UTRN: variants seen among roughly 807,000 people sequenced by gnomAD.
UTRN encodes utrophin.
UTRN carries 283 observed loss-of-function variants against 463.9 expected under a neutral mutation model. The ratio of observed to expected loss-of-function variants is 0.61; its 90% CI spans 0.55 to 0.67. The LOEUF is 0.67. Among genes scored for constraint, UTRN ranks in the 30% least tolerant of loss-of-function variants. The probability of loss-of-function intolerance (pLI) is 0.00; values close to 1 mark genes in which losing one functional copy is unlikely to be tolerated. For synonymous variants in UTRN, 1,442 were observed against 1,431.5 expected (o/e 1.01, Z -0.17); for missense variants, 3,922 against 4,084.3 (o/e 0.96, Z 1.08).
intron 57 of UTRN, among the ~76,000 whole-genome samples, chr6:144,755,225 T>C (rs1791859348): frequency 6.6e-6 from 1 of 152,170 alleles, no homozygotes; most frequent in African/African-American, 2.4e-5. Context: ...TCCCCATAAA[T>C]CTTTAAGTGG....
At chr6:144,828,563 G>A (rs766012715) in intron 68 of UTRN, among the ~76,000 whole-genome samples, 15 of 152,266 alleles carry the variant, frequency 9.9e-5, no homozygotes, top group African/African-American at 2.9e-4. Flanking sequence ...AGGTCAGTTA[G>A]GAGACTTTAC....
intron 73 of UTRN, among the ~76,000 whole-genome samples, chr6:144,843,946 A>G (rs1484740686): frequency 2.0e-5 from 3 of 152,196 alleles, no homozygotes; most frequent in Admixed American, 2.0e-4. Flanking sequence ...AGTTTTCTGA[A>G]TGAGCATTAC....
intron 2 of UTRN, chr6:144,397,883 T>C (rs1444983516): frequency 2.6e-5 from 4 of 153,602 alleles, no homozygotes; most frequent in Non-Finnish European, 5.8e-5. Flanking sequence ...GACAATTCAT[T>C]TAACTTCTGC....
At chr6:144,658,592 A>G (rs1376466419) in intron 51 of UTRN, among the ~76,000 whole-genome samples, 2 of 152,158 alleles carry the variant, frequency 1.3e-5, no homozygotes, top group African/African-American at 4.8e-5. Context: ...AAACTTACTT[A>G]TATTAAAATT....
intron 41 of UTRN, among the ~76,000 whole-genome samples, chr6:144,529,667 C>G (rs1182306755): frequency 1.3e-5 from 2 of 151,734 alleles, no homozygotes; most frequent in Non-Finnish European, 2.9e-5. Context: ...TTTTCTTTTT[C>G]CATGCTCAAT....
chr6:144,741,397 T>G lies in UTRN; in HGVS notation c.7940-6849T>G, dbSNP rs77449442. ...ATTCTTGAAAGAGAAAGGGGAGAAT[T>G]TTCTTCTTTATTTTCTTTTTCTAGT... On this transcript the variant is annotated intron_variant, in intron 54 of 74. Transcript: ENST00000367545. 2.8e-3 allele frequency among the ~76,000 whole-genome samples: 420 copies of G among 152,220 alleles called. 12 individuals carry two copies. The East Asian group carries it at 0.073, about 26-fold the overall frequency.
chr6:144,489,946 G>C (rs1170338315), intron 30 of UTRN, 125 bp from the exon 31 acceptor site: 1 of 1,357,058 alleles, frequency 7.4e-7, no homozygotes, highest in Admixed American at 2.4e-5. Context: ...AGCTTCTGTG[G>C]AGGTCAACAT....
chr6:144,725,368 C>T (rs1445702614), intron 53 of UTRN, among the ~76,000 whole-genome samples: 1 of 152,218 alleles, frequency 6.6e-6, no homozygotes, highest in African/African-American at 2.4e-5. Flanking sequence ...TTTTTACTAG[C>T]AGCGTGAGAA....
Position 144,824,592 on chromosome 6 carries a change from A to C in UTRN, c.9495-2756A>C, listed in dbSNP as rs1231733331. Among the ~76,000 whole-genome samples, 135 of 49,576 alleles carry C rather than the reference A, an allele frequency of 2.7e-3. 7 individuals are homozygous for C. Among genetic ancestry groups the C allele is most frequent in the East Asian group, 0.013 (12 of 934 alleles). 32.5% of individuals were successfully genotyped at this position (49,576 alleles called of 152,430 possible). ...TTTATTTATATATATATATATATAT[A>C]TATATATATATATATATATATCTTT... On this transcript the variant is annotated intron_variant, in intron 66 of 74. Coordinates refer to ENST00000367545, the MANE Select transcript of UTRN (RefSeq NM_007124.3).
chr6:144,552,275 A>G (rs1330040249), intron 48 of UTRN, among the ~76,000 whole-genome samples: 1 of 152,212 alleles, frequency 6.6e-6, no homozygotes, highest in Non-Finnish European at 1.5e-5. Context: ...AGAACTTTTA[A>G]TGTCTAACAG....
intron 53 of UTRN, among the ~76,000 whole-genome samples, chr6:144,714,467 T>G (rs1410162127): frequency 6.6e-6 from 1 of 152,198 alleles, no homozygotes; most frequent in African/African-American, 2.4e-5. Flanking sequence ...CTACCCTGCA[T>G]TTAGGGCCAG....
chr6:144,516,382 G>C lies in UTRN; in HGVS notation c.5398G>C (p.Glu1800Gln), dbSNP rs769487941. 5.0e-6 allele frequency: 8 copies of C among 1,612,322 alleles called. No homozygotes were observed. In the Admixed American group the frequency reaches 1.3e-4, roughly 27 times the overall value. ...ACACTTGGAATCCAGTGATGAAGAT[G>C]AAAAGGTTGGTTCAAGGAGATTTCA... ...EKHLESSDEDEKMDEESAQIE... is the reference protein window; with the variant it reads ...EKHLESSDEDQKMDEESAQIE... The change falls in exon 38 of 75, where the codon GAA (glutamate) becomes CAA (glutamine). Residue 1800 changes from glutamate (E) to glutamine (Q), a missense_variant. Coordinates refer to ENST00000367545, the MANE Select transcript of UTRN (RefSeq NM_007124.3).
chr6:144,289,949 C>T (rs932708531), intron 1 of UTRN, among the ~76,000 whole-genome samples: 6 of 151,492 alleles, frequency 4.0e-5, no homozygotes, highest in Non-Finnish European at 5.9e-5. Flanking sequence ...CCACCTTGCC[C>T]GGCCTAGTTT....
intron 2 of UTRN, among the ~76,000 whole-genome samples, chr6:144,323,269 A>T (rs1775778779): frequency 6.6e-6 from 1 of 152,230 alleles, no homozygotes; most frequent in Non-Finnish European, 1.5e-5. Flanking sequence ...AAGCTATTAA[A>T]TCATCATGAC....
intron 51 of UTRN, among the ~76,000 whole-genome samples, chr6:144,590,887 C>CAT (rs1802993747): frequency 6.6e-6 from 1 of 151,488 alleles, no homozygotes; most frequent in South Asian, 2.1e-4. Context: ...CACATGCACA[C>CAT]ACACACACAC....
intron 2 of UTRN, among the ~76,000 whole-genome samples, chr6:144,292,399 TAG>T (rs1398648321): frequency 6.6e-6 from 1 of 152,180 alleles, no homozygotes; most frequent in African/African-American, 2.4e-5. Flanking sequence ...AATTTTCACC[TAG>T]GTAATCTAAT....
intron 2 of UTRN, among the ~76,000 whole-genome samples, chr6:144,360,315 G>A (rs1447124855): frequency 6.6e-6 from 1 of 151,892 alleles, no homozygotes; most frequent in African/African-American, 2.4e-5. Context: ...TGGGATTACA[G>A]GTGCCTGCCA....
rs768531040 is a variant in UTRN, at chr6:144,461,358, C to T, written c.2853+16C>T. On this transcript the variant is annotated intron_variant, in intron 22 of 74. Transcript: ENST00000367545. ...AGAAAAAAAGGTAACATATATCTTCCATGTTAGAACTCTAGCGCTTCTTCT... is the reference window on the plus strand; with the variant it reads ...AGAAAAAAAGGTAACATATATCTTCTATGTTAGAACTCTAGCGCTTCTTCT... 5 of 1,511,458 alleles carry T rather than the reference C, an allele frequency of 3.3e-6. No homozygotes were observed. Among genetic ancestry groups the T allele is most frequent in the South Asian group, 2.7e-5 (2 of 72,968 alleles). The allele number at this position is 1,511,458 out of a possible 1,614,324, so 93.6% of individuals were successfully genotyped here. A position where few individuals can be genotyped will look rare whatever the true frequency, so the allele number is the denominator to read the frequency against.
chr6:144,549,264 A>G (rs1434227719), intron 47 of UTRN, among the ~76,000 whole-genome samples: 1 of 152,204 alleles, frequency 6.6e-6, no homozygotes, highest in Non-Finnish European at 1.5e-5. Context: ...CTTTACTACT[A>G]TACATGTACC....
Sources: gnomAD v4.1 joint callset for allele counts (sites outside exome capture counted in the v4.1 genomes callset) on GRCh38, gnomAD v4.1.1 for gene constraint, MANE v1.5 for transcripts, NCBI Gene and HGNC (gene_info 2026-07-23, HGNC 2026-07-21) for gene names.